ACVR1: variants seen among roughly 807,000 people sequenced by gnomAD.
The protein encoded by ACVR1 is activin receptor type-1.
Under a neutral mutation model 57.1 loss-of-function variants are expected in ACVR1, and 38 were observed. The ratio of observed to expected loss-of-function variants is 0.67; its 90% CI spans 0.51 to 0.87. ACVR1 has a LOEUF of 0.87. ACVR1 is among the 40% of genes least tolerant of loss of function. The pLI is 0.00. For synonymous variants in ACVR1, 212 were observed against 228.1 expected (o/e 0.93, Z 0.63); for missense variants, 463 against 638.2 (o/e 0.73, Z 2.96).
At chr2:157,817,738 C>T (rs1687992688) in intron 2 of ACVR1, among the ~76,000 whole-genome samples, 1 of 152,138 alleles carries the variant, frequency 6.6e-6, no homozygotes, top group Admixed American at 6.5e-5. Context: ...CAGTGGCTCA[C>T]ACCTGTAATC....
intron 3 of ACVR1, among the ~76,000 whole-genome samples, chr2:157,794,149 A>G (rs940158103): frequency 1.3e-5 from 2 of 152,242 alleles, no homozygotes; most frequent in African/African-American, 4.8e-5. Context: ...GCAAATGTGT[A>G]CAGGGACAAA....
chr2:157,831,262 A>G (rs1688571097), intron 1 of ACVR1, among the ~76,000 whole-genome samples: 1 of 152,258 alleles, frequency 6.6e-6, no homozygotes, highest in Non-Finnish European at 1.5e-5. Flanking sequence ...CAATGGCCAA[A>G]GACAAATGTT....
rs374791093 is a variant in ACVR1 at position 157,780,620 on chromosome 2, A to AGG, written c.68-22_68-21dup. The AGG allele has an allele frequency of 7.5e-7, 1 of 1,337,182 alleles. No homozygotes were observed. The highest frequency in any genetic ancestry group is 1.0e-6 in the Non-Finnish European group (1 of 970,106). 82.8% of individuals were successfully genotyped at this position (1,337,182 alleles called of 1,614,324 possible). A position where few individuals can be genotyped will look rare whatever the true frequency, so the allele number is the denominator to read the frequency against. ...TCTCATCTGCAAAGGAGAGAAAGGA[A>AGG]GGGGAAAAAAAAAAAAAAGAGGAAT... On this transcript the variant is annotated intron_variant, in intron 3 of 10. Coordinates refer to ENST00000434821, the MANE Select transcript of ACVR1 (RefSeq NM_001111067.4).
At chr2:157,762,835 T>C (rs1029774029) in intron 8 of ACVR1, among the ~76,000 whole-genome samples, 2 of 152,222 alleles carry the variant, frequency 1.3e-5, no homozygotes, top group Non-Finnish European at 2.9e-5. Flanking sequence ...TGCAAGGAGC[T>C]GAGACCTGCC....
At chr2:157,851,882 CACACACACACACACACACACACACA>C (rs1559093948) in intron 1 of ACVR1, among the ~76,000 whole-genome samples, 74 of 3,670 alleles carry the variant, frequency 0.02, 2 homozygotes, top group Non-Finnish European at 0.12. Context: ...CACACACACA[CACACACACACACACACACACACACA>C]CACCACCCCC....
chr2:157,809,595 CCA>C (rs1491211983), intron 2 of ACVR1, among the ~76,000 whole-genome samples: 2 of 151,634 alleles, frequency 1.3e-5, no homozygotes, highest in Non-Finnish European at 2.9e-5. Flanking sequence ...ACGGATATAA[CCA>C]AAAAACCACC....
intron 1 of ACVR1, among the ~76,000 whole-genome samples, chr2:157,827,912 G>A (rs866441109): frequency 1.3e-5 from 2 of 152,142 alleles, no homozygotes; most frequent in Non-Finnish European, 2.9e-5. Flanking sequence ...AAGAGCAGTG[G>A]CCCAAGTCAC....
intron 10 of ACVR1, among the ~76,000 whole-genome samples, chr2:157,738,140 T>C (rs1684611606): frequency 6.6e-6 from 1 of 152,230 alleles, no homozygotes; most frequent in Non-Finnish European, 1.5e-5. Flanking sequence ...GGTTTATACA[T>C]GCAGTCTTAG....
intron 1 of ACVR1, among the ~76,000 whole-genome samples, chr2:157,873,112 G>GA (rs1313090832): frequency 4.5e-4 from 69 of 152,232 alleles, no homozygotes; most frequent in Admixed American, 2.5e-3. Context: ...TTGCTTTAAA[G>GA]AAAAATATTA....
rs568810076 is a variant in ACVR1, at chr2:157,866,444, C to CGGG, written c.-183+9349_-183+9351dup. Among the ~76,000 whole-genome samples the CGGG allele has an allele frequency of 1.2e-3, 186 of 151,760 alleles. 1 individual carries two copies. Among genetic ancestry groups the CGGG allele is most frequent in the East Asian group, 6.0e-3 (31 of 5,142 alleles). On this transcript the variant is annotated intron_variant, in intron 1 of 10. Transcript: ENST00000434821. ...TCCTAAGCAAACAAGCCAAGGGAGG[C>CGGG]GGGGGGGAAAGCTTCTCTGAATTTG...
chr2:157,815,472 G>A (rs576397785), intron 2 of ACVR1, among the ~76,000 whole-genome samples: 7 of 152,038 alleles, frequency 4.6e-5, no homozygotes, highest in East Asian at 1.9e-4. Context: ...ACCAGATACC[G>A]GAAAACTTCT....
intron 9 of ACVR1, among the ~76,000 whole-genome samples, chr2:157,757,873 AAC>A (rs571262821): frequency 2.0e-5 from 3 of 150,610 alleles, no homozygotes; most frequent in East Asian, 1.9e-4. Flanking sequence ...AAAATATACA[AAC>A]ACACACACAC....
intron 1 of ACVR1, among the ~76,000 whole-genome samples, chr2:157,858,779 G>C (rs1424339101): frequency 6.6e-6 from 1 of 152,062 alleles, no homozygotes; most frequent in Non-Finnish European, 1.5e-5. Context: ...CACTGCACCT[G>C]GCCTATTTTT....
In ACVR1 at chr2:157,737,120, G is replaced by A. The variant is rs1248882903; in HGVS notation, c.*411C>T. On this transcript the variant is annotated 3_prime_UTR_variant, in exon 11 of 11. Transcript: ENST00000434821. ...AAAGAATTCCTAGTGCAATAAAGAA[G>A]AGAAGCACAGGCAATATTGCTGATT... is the stretch of plus-strand genomic sequence containing the variant. The A allele has an allele frequency of 6.4e-6, 2 of 313,882 alleles. No individual in the cohort carries two copies. Among genetic ancestry groups the A allele is most frequent in the South Asian group, 5.3e-5 (1 of 19,016 alleles). 19.4% of individuals were successfully genotyped at this position (313,882 alleles called of 1,614,324 possible).
chr2:157,857,577 T>C (rs1302174245), intron 1 of ACVR1, among the ~76,000 whole-genome samples: 2 of 152,142 alleles, frequency 1.3e-5, no homozygotes, highest in African/African-American at 2.4e-5. Flanking sequence ...AATAAAATAA[T>C]ATCATTTTCT....
At chr2:157,855,453 C>T (rs965178352) in intron 1 of ACVR1, among the ~76,000 whole-genome samples, 2 of 151,222 alleles carry the variant, frequency 1.3e-5, no homozygotes, top group African/African-American at 2.4e-5. Context: ...GCCAAGATCG[C>T]GCCACTGTAC....
At chr2:157,802,573 C>T (rs991117420) in intron 2 of ACVR1, among the ~76,000 whole-genome samples, 5 of 152,078 alleles carry the variant, frequency 3.3e-5, no homozygotes, top group South Asian at 2.1e-4. Flanking sequence ...GACATCTGTA[C>T]GTGATGCTCC....
At chr2:157,753,673 A>C (rs1685301099) in intron 9 of ACVR1, among the ~76,000 whole-genome samples, 1 of 152,206 alleles carries the variant, frequency 6.6e-6, no homozygotes, top group African/African-American at 2.4e-5. Flanking sequence ...GGGGGACTTC[A>C]ATACTTCTCT....
intron 1 of ACVR1, among the ~76,000 whole-genome samples, chr2:157,825,452 C>T (rs1336596948): frequency 6.6e-6 from 1 of 152,096 alleles, no homozygotes; most frequent in Non-Finnish European, 1.5e-5. Flanking sequence ...GGTCCATGGC[C>T]TGTTAGGAAC....
Sources: allele counts gnomAD v4.1 joint callset (sites outside exome capture counted in the v4.1 genomes callset), GRCh38; gene constraint gnomAD v4.1.1; transcripts MANE v1.5; gene names NCBI Gene and HGNC (gene_info 2026-07-23, HGNC 2026-07-21).